The following CCDC149 variants were observed in gnomAD, a reference collection of about 807,000 sequenced individuals.
CCDC149 encodes the protein coiled-coil domain containing 149, also known as coiled-coil domain-containing protein 149.
In CCDC149, 45 loss-of-function variants were observed where a neutral mutation model predicts 59.9. That is an observed-to-expected ratio of 0.75 (90% confidence interval 0.59 to 0.96). The LOEUF is 0.96. Ranked by LOEUF, CCDC149 falls within the 40% of genes least tolerant of loss-of-function variation. The pLI is 0.00. For synonymous variants in CCDC149, 245 were observed against 260.6 expected (o/e 0.94, Z 0.58); for missense variants, 584 against 664.7 (o/e 0.88, Z 1.33).
In CCDC149 at chr4:24,819,966, T is replaced by A. The variant is rs960072025; in HGVS notation, c.1085A>T (p.Asp362Val). 1.9e-6 allele frequency: 3 copies of A among 1,548,586 alleles called. No homozygotes were observed. Among genetic ancestry groups the A allele is most frequent in the Non-Finnish European group, 2.6e-6 (3 of 1,145,388 alleles). The change falls in exon 12 of 13, where the codon GAC becomes GTC. Residue 362 changes from aspartate (D) to valine (V), a missense_variant. Physicochemically the swap from Asp to Val is radical, Grantham distance 152. Transcript: ENST00000635206. ...AGTGGGGTCGCTGAACAGTATGGTGTCCTTGCCCCCTGTTGCAGAAAAGAG... is the reference window on the plus strand; with the variant it reads ...AGTGGGGTCGCTGAACAGTATGGTGACCTTGCCCCCTGTTGCAGAAAAGAG...
At chr4:24,946,613 A>G (rs1232267499) in intron 1 of CCDC149, among the ~76,000 whole-genome samples, 1 of 152,238 alleles carries the variant, frequency 6.6e-6, no homozygotes, top group Admixed American at 6.5e-5. Flanking sequence ...GCTAGTGAGA[A>G]AATAAAATGT....
intron 1 of CCDC149, among the ~76,000 whole-genome samples, chr4:24,881,132 G>T (rs969771986): frequency 6.6e-6 from 1 of 152,338 alleles, no homozygotes. Context: ...ACAGTCACTT[G>T]GTGGGACAGG....
intron 8 of CCDC149, among the ~76,000 whole-genome samples, chr4:24,834,591 C>T (rs1716371983): frequency 6.6e-6 from 1 of 152,162 alleles, no homozygotes; most frequent in Non-Finnish European, 1.5e-5. Context: ...GAAAGGAGAA[C>T]ACAGTCTAGG....
At chr4:24,828,276 T>A (rs1393180376) in intron 9 of CCDC149, 2 of 143,998 alleles carry the variant, frequency 1.4e-5, no homozygotes, top group Non-Finnish European at 3.0e-5. Flanking sequence ...TTACCGTTTG[T>A]AAAAAAAAAA....
intron 4 of CCDC149, among the ~76,000 whole-genome samples, chr4:24,844,797 A>AAAATT (rs1350329651): frequency 2.0e-5 from 3 of 151,450 alleles, no homozygotes; most frequent in African/African-American, 7.3e-5. Context: ...AAAATAAAAT[A>AAAATT]AAAATAAAAA....
chr4:24,902,825 A>G (rs1442291026), intron 1 of CCDC149, among the ~76,000 whole-genome samples: 3 of 152,018 alleles, frequency 2.0e-5, no homozygotes, highest in African/African-American at 4.8e-5. Context: ...AGAATATGAG[A>G]CTGGCCTGGA....
At chr4:24,921,842 C>T (rs755020117) in intron 1 of CCDC149, among the ~76,000 whole-genome samples, 2 of 152,124 alleles carry the variant, frequency 1.3e-5, no homozygotes, top group Non-Finnish European at 2.9e-5. Flanking sequence ...CTCCAAAATC[C>T]GCACCCCCTA....
intron 12 of CCDC149, among the ~76,000 whole-genome samples, chr4:24,810,553 T>C (rs1178347932): frequency 6.6e-6 from 1 of 152,206 alleles, no homozygotes; most frequent in African/African-American, 2.4e-5. Flanking sequence ...TTGAACTTTA[T>C]ATCCAGGAAT....
At chr4:24,879,442 G>T (rs957463066) in intron 1 of CCDC149, among the ~76,000 whole-genome samples, 3 of 151,714 alleles carry the variant, frequency 2.0e-5, no homozygotes, top group Non-Finnish European at 4.4e-5. Context: ...ACTTGAACCC[G>T]GGAGGCAGAG....
chr4:24,920,435 G>A (rs943594465), intron 1 of CCDC149, among the ~76,000 whole-genome samples: 1 of 152,210 alleles, frequency 6.6e-6, no homozygotes, highest in African/African-American at 2.4e-5. Context: ...ATGACAGCTT[G>A]GTTCCCAGTA....
intron 3 of CCDC149, among the ~76,000 whole-genome samples, chr4:24,869,623 C>A (rs17625455): frequency 6.6e-6 from 1 of 152,158 alleles, no homozygotes; most frequent in African/African-American, 2.4e-5. Flanking sequence ...GAGCAGCAGG[C>A]GAGAAACATT....
At chr4:24,930,008 GAA>G (rs1489364613) in intron 1 of CCDC149, among the ~76,000 whole-genome samples, 1 of 152,160 alleles carries the variant, frequency 6.6e-6, no homozygotes, top group African/African-American at 2.4e-5. Flanking sequence ...GTGTTGACAA[GAA>G]AAGTGTTTAT....
intron 2 of CCDC149, among the ~76,000 whole-genome samples, chr4:24,875,996 T>C (rs768949707): frequency 6.6e-6 from 1 of 152,108 alleles, no homozygotes; most frequent in Non-Finnish European, 1.5e-5. Flanking sequence ...TGCATGCTGT[T>C]CTGAGTCGTG....
intron 1 of CCDC149, among the ~76,000 whole-genome samples, chr4:24,970,424 A>G (rs1481086901): frequency 6.6e-6 from 1 of 152,064 alleles, no homozygotes; most frequent in Non-Finnish European, 1.5e-5. Context: ...CCCAAGGTGC[A>G]CCCACCCCCT....
intron 10 of CCDC149, 132 bp downstream of exon 10, chr4:24,822,365 G>C: frequency 2.0e-6 from 1 of 505,252 alleles, no homozygotes; most frequent in Admixed American, 4.2e-5. Flanking sequence ...TTTCAGCAAT[G>C]ATCTACTTTA....
chr4:24,909,955 T>C (rs1016853640), intron 1 of CCDC149, among the ~76,000 whole-genome samples: 3 of 152,214 alleles, frequency 2.0e-5, no homozygotes, highest in Non-Finnish European at 4.4e-5. Flanking sequence ...GTCTCAGGTA[T>C]GTCTTTATAA....
At chr4:24,957,359 C>T (rs1338259493) in intron 1 of CCDC149, among the ~76,000 whole-genome samples, 1 of 152,180 alleles carries the variant, frequency 6.6e-6, no homozygotes, top group Admixed American at 6.5e-5. Context: ...TCTTTAAGCT[C>T]ACATGTATAA....
chr4:24,948,346 TA>T (rs1723183605), intron 1 of CCDC149, among the ~76,000 whole-genome samples: 1 of 152,246 alleles, frequency 6.6e-6, no homozygotes, highest in South Asian at 2.1e-4. Flanking sequence ...TGATGCAGAA[TA>T]ACGGCTTTCA....
chr4:24,811,872 CAAAA>C (rs35269758), intron 12 of CCDC149, among the ~76,000 whole-genome samples: 9 of 135,008 alleles, frequency 6.7e-5, no homozygotes, highest in African/African-American at 1.6e-4. Flanking sequence ...GACTCCGACT[CAAAA>C]AAAAAAAAAA....
Sources: gnomAD v4.1 joint callset for allele counts (sites outside exome capture counted in the v4.1 genomes callset) on GRCh38, gnomAD v4.1.1 for gene constraint, MANE v1.5 for transcripts, NCBI Gene and HGNC (gene_info 2026-07-23, HGNC 2026-07-21) for gene names.